Variants in ZNF773 observed in about 807,000 individuals in gnomAD.
The protein encoded by ZNF773 is zinc finger protein 419B.
ZNF773 carries 11 observed loss-of-function variants against 12.8 expected under a neutral mutation model. The observed-to-expected ratio is 0.86, with a 90% CI of 0.54 to 1.42. The LOEUF is 1.42. ZNF773 is among the 40% of genes most tolerant of loss of function. The pLI, the probability that ZNF773 is intolerant of heterozygous loss-of-function variation, is 0.00. For missense variants in ZNF773, 518 were observed against 527.2 expected (o/e 0.98, Z 0.17); for synonymous variants, 175 against 178.4 (o/e 0.98, Z 0.15).
At chr19:57,506,295 TGA>T in intron 3 of ZNF773, 61 bp from the exon 4 acceptor site, 1 of 1,552,948 alleles carries the variant, frequency 6.4e-7, no homozygotes, top group East Asian at 2.2e-5. Flanking sequence ...CAGACACGTG[TGA>T]GAGTGCTGCC....
Position 57,505,288 on chromosome 19 carries a change from G to T in ZNF773, c.164-14G>T. The T allele has an allele frequency of 6.2e-7, 1 of 1,610,770 alleles. No individual in the cohort carries two copies. Among genetic ancestry groups the T allele is most frequent in the Non-Finnish European group, 8.5e-7 (1 of 1,176,966 alleles). On this transcript the variant is annotated splice_polypyrimidine_tract_variant and intron_variant, in intron 2 of 3. Coordinates refer to ENST00000282292, the MANE Select transcript of ZNF773 (RefSeq NM_198542.3). ...TCTGGCTCAGTGCTGCCACTCACCT[G>T]TCGTTTTCCTTAGGACTTGCATCTT...
chr19:57,511,060 T>A (rs1486664543), downstream of ZNF773, among the ~76,000 whole-genome samples: 194 of 148,408 alleles, frequency 1.3e-3, 2 homozygotes, highest in African/African-American at 4.4e-3. Context: ...TATTTATTTT[T>A]TTTTTTTTTG....
downstream of ZNF773, chr19:57,516,896 A>T (rs1215159496): frequency 6.6e-6 from 1 of 152,258 alleles, no homozygotes; most frequent in East Asian, 1.9e-4. Flanking sequence ...ACTGGTGGCG[A>T]AACTTGAACA....
intron 1 of ZNF773, 99 bp from the exon 2 acceptor site, chr19:57,504,558 G>A (rs2089705775): frequency 6.5e-6 from 10 of 1,535,586 alleles, no homozygotes; most frequent in South Asian, 4.9e-5. Context: ...CTTCTGAGAT[G>A]GGGATTAAGG....
Position 57,506,478 on chromosome 19 carries a change from A to T in ZNF773, c.383A>T (p.Gln128Leu), listed in dbSNP as rs757886511. ...TGTGGAGAGAAACCCTTAAAAAGACAAGAGGGCAGGGTCCCAGTTTTGAGG... is the reference window on the plus strand; with the variant it reads ...TGTGGAGAGAAACCCTTAAAAAGACTAGAGGGCAGGGTCCCAGTTTTGAGG... The part of the protein sequence containing the change: ...QHCGEKPLKR[Q>L]EGRVPVLRSC... The change falls in exon 4 of 4, where the codon CAA (glutamine) becomes CTA (leucine). Residue 128 changes from glutamine to leucine, a missense_variant. By Grantham distance (113) the Gln-to-Leu change is moderately radical. Transcript: ENST00000282292. 1 of 1,614,208 alleles carries T rather than the reference A, an allele frequency of 6.2e-7. No homozygotes were observed. Among genetic ancestry groups the T allele is most frequent in the Non-Finnish European group, 8.5e-7 (1 of 1,180,044 alleles).
At chr19:57,505,919 C>G (rs537677416) in intron 3 of ZNF773, among the ~76,000 whole-genome samples, 26 of 152,242 alleles carry the variant, frequency 1.7e-4, no homozygotes, top group Non-Finnish European at 3.5e-4. Flanking sequence ...CCATGTTAGC[C>G]TGAATGGTCT....
At chr19:57,517,418 G>C (rs927425120), downstream of ZNF773, 1 of 152,100 alleles carries the variant, frequency 6.6e-6, no homozygotes. Flanking sequence ...TAGAGCTTTA[G>C]GCATGATAAT....
chr19:57,505,770 G>A (rs2089724266), intron 3 of ZNF773, among the ~76,000 whole-genome samples: 1 of 147,358 alleles, frequency 6.8e-6, no homozygotes, highest in Non-Finnish European at 1.5e-5. Context: ...GAGGGCAGTG[G>A]CGTGATCTCG....
downstream of ZNF773, chr19:57,513,244 A>G (rs778884652): frequency 5.4e-5 from 30 of 552,212 alleles, no homozygotes; most frequent in Non-Finnish European, 8.3e-5. Context: ...CATTATATGC[A>G]GTCACTTAAA....
Position 57,505,369 on chromosome 19 carries a change from T to C in ZNF773, c.231T>C (p.Ala77=). 6.2e-7 allele frequency: 1 copy of C among 1,614,122 alleles called. No individual in the cohort carries two copies. The highest frequency in any genetic ancestry group is 1.3e-5 in the African/African-American group (1 of 75,030). The change falls in exon 3 of 4, where the codon GCT becomes GCC. Residue 77 remains alanine, a synonymous_variant. Coordinates refer to ENST00000282292, the MANE Select transcript of ZNF773 (RefSeq NM_198542.3). ...LESWEEPFMP[A]WEVVTSAILR... ...CATGGGAGGAGCCCTTCATGCCTGCTTGGGAAGTTGTGACTTCAGCCATAC... is the reference window on the plus strand; with the variant it reads ...CATGGGAGGAGCCCTTCATGCCTGCCTGGGAAGTTGTGACTTCAGCCATAC...
rs777376902 is a variant in ZNF773 at position 57,506,396 on chromosome 19, C to G, written c.301C>G (p.Gln101Glu). Residue 101 changes from glutamine to glutamate, a missense_variant, in exon 4 of 4, where the codon CAG (glutamine) becomes GAG (glutamate). By Grantham distance (29) the Gln-to-Glu change is conservative. Coordinates refer to ENST00000282292, the MANE Select transcript of ZNF773 (RefSeq NM_198542.3). ...QGAKAEAAAE[Q>E]SASVEVPSSN... The stretch of plus-strand genomic sequence containing the variant: ...AGCCAAGGCTGAGGCAGCTGCTGAG[C>G]AGAGTGCTTCTGTAGAAGTGCCCAG... 3 of 1,613,776 alleles carry G rather than the reference C, an allele frequency of 1.9e-6. No individual in the cohort carries two copies. Among genetic ancestry groups the G allele is most frequent in the Non-Finnish European group, 2.5e-6 (3 of 1,179,864 alleles).
chr19:57,500,200 G>A (rs1347977695), intron 1 of ZNF773, 87 bp downstream of exon 1: 2 of 1,449,688 alleles, frequency 1.4e-6, no homozygotes, highest in African/African-American at 2.9e-5. Context: ...GAACTGTGGG[G>A]CGTTCGTGGG....
intron 1 of ZNF773, among the ~76,000 whole-genome samples, chr19:57,501,529 A>G (rs2089670534): frequency 6.6e-6 from 1 of 152,176 alleles, no homozygotes; most frequent in Admixed American, 6.5e-5. Flanking sequence ...AGTGAATACC[A>G]TTATTGCCAT....
intron 2 of ZNF773, 41 bp downstream of exon 2, chr19:57,504,827 T>A: frequency 6.3e-7 from 1 of 1,586,844 alleles, no homozygotes; most frequent in Non-Finnish European, 8.6e-7. Flanking sequence ...TGAGCTGGAC[T>A]TGGCTTTTCC....
At chr19:57,504,178 T>G (rs2089700555) in intron 1 of ZNF773, among the ~76,000 whole-genome samples, 1 of 152,132 alleles carries the variant, frequency 6.6e-6, no homozygotes, top group African/African-American at 2.4e-5. Flanking sequence ...GGGATGGAGT[T>G]CTGATTGCAT....
At chr19:57,505,436 C>A in intron 3 of ZNF773, 36 bp downstream of exon 3, 1 of 1,610,364 alleles carries the variant, frequency 6.2e-7, no homozygotes, top group Non-Finnish European at 8.5e-7. Flanking sequence ...GGTATGAACT[C>A]GGGTATGGGT....
In ZNF773 at chr19:57,507,373, C is replaced by T; in HGVS notation, c.1278C>T (p.His426=). 6.2e-7 allele frequency: 1 copy of T among 1,611,556 alleles called. No individual in the cohort carries two copies. Among genetic ancestry groups the T allele is most frequent in the South Asian group, 1.1e-5 (1 of 90,454 alleles). The part of the protein sequence containing the change: ...ECRECGKFFR[H]SSSLVKHRRI... The stretch of plus-strand genomic sequence containing the variant: ...GGGAATGTGGGAAATTTTTTCGCCA[C>T]AGCTCCAGTCTTGTTAAACATCGAA... The change falls in exon 4 of 4, where the codon CAC becomes CAT. Residue 426 remains histidine (H), a synonymous_variant. Transcript: ENST00000282292.
downstream of ZNF773, chr19:57,517,499 A>G (rs1293660718): frequency 6.6e-6 from 1 of 152,200 alleles, no homozygotes; most frequent in African/African-American, 2.4e-5. Context: ...GCACAGCTCC[A>G]TTCAAACAGC....
intron 3 of ZNF773, 94 bp downstream of exon 3, chr19:57,505,494 C>T: frequency 1.5e-6 from 2 of 1,371,060 alleles, no homozygotes. Flanking sequence ...ATTTTGATAC[C>T]AAGGCAAGGT....
Sources: gnomAD v4.1 joint callset for allele counts (sites outside exome capture counted in the v4.1 genomes callset) on GRCh38, gnomAD v4.1.1 for gene constraint, MANE v1.5 for transcripts, NCBI Gene and HGNC (gene_info 2026-07-23, HGNC 2026-07-21) for gene names.